The following PALM2AKAP2 variants were observed in gnomAD, a reference collection of about 807,000 sequenced individuals.
The protein encoded by PALM2AKAP2 is PALM2 and AKAP2 fusion, also known as PALM2-AKAP2 fusion protein.
A neutral mutation model predicts 71.5 loss-of-function variants in PALM2AKAP2; 37 were observed. The ratio of observed to expected loss-of-function variants is 0.52; its 90% CI spans 0.40 to 0.68. PALM2AKAP2 has a LOEUF of 0.68. PALM2AKAP2 is among the 30% of genes least tolerant of loss of function. The pLI is 0.00. For missense variants in PALM2AKAP2, 1,224 were observed against 1,191.8 expected (o/e 1.03, Z -0.40); for synonymous variants, 468 against 478.8 (o/e 0.98, Z 0.29).
At chr9:110,136,792 T>C in exon 2 of PALM2AKAP2, 2 of 1,614,138 alleles carry the variant, frequency 1.2e-6, no homozygotes, top group Non-Finnish European at 1.7e-6. Context: ...GTGCCTTCCA[T>C]GAGGACAAGA....
intron 1 of PALM2AKAP2, among the ~76,000 whole-genome samples, chr9:109,814,019 A>T (rs1009173803): frequency 6.6e-6 from 1 of 152,128 alleles, no homozygotes; most frequent in African/African-American, 2.4e-5. Context: ...CCTGCAGTTG[A>T]CTTTGACCCT....
upstream of PALM2AKAP2, among the ~76,000 whole-genome samples, chr9:110,045,592 C>G (rs922057361): frequency 6.6e-6 from 1 of 151,630 alleles, no homozygotes; most frequent in Non-Finnish European, 1.5e-5. Flanking sequence ...TTTTTTGATG[C>G]AGTCTCTCTC....
At chr9:109,708,149 C>T (rs936532740) in intron 1 of PALM2AKAP2, among the ~76,000 whole-genome samples, 3 of 152,172 alleles carry the variant, frequency 2.0e-5, no homozygotes, top group Admixed American at 6.6e-5. Flanking sequence ...CTTTGTACAA[C>T]AGCTGATGAT....
At chr9:109,920,337 G>A (rs78079187) in intron 3 of PALM2AKAP2, among the ~76,000 whole-genome samples, 2,033 of 152,122 alleles carry the variant, frequency 0.013, 42 homozygotes, top group African/African-American at 0.047. Flanking sequence ...GGAAGTAAGG[G>A]AGGAAGGAAG....
chr9:109,757,128 C>A (rs1332939161), intron 1 of PALM2AKAP2, among the ~76,000 whole-genome samples: 2 of 152,124 alleles, frequency 1.3e-5, no homozygotes, highest in African/African-American at 4.8e-5. Flanking sequence ...CTCATACACA[C>A]CCTTCCCAGC....
At chr9:109,749,891 G>GTATC (rs1205319089) in intron 1 of PALM2AKAP2, among the ~76,000 whole-genome samples, 1 of 152,154 alleles carries the variant, frequency 6.6e-6, no homozygotes, top group Non-Finnish European at 1.5e-5. Context: ...AATATCAAAG[G>GTATC]TATCTATGTT....
intron 1 of PALM2AKAP2, among the ~76,000 whole-genome samples, chr9:109,675,895 G>T (rs1415202904): frequency 6.6e-6 from 1 of 152,046 alleles, no homozygotes; most frequent in Non-Finnish European, 1.5e-5. Context: ...CACATTTATA[G>T]AAATTTTTCA....
At chr9:109,701,824 A>G (rs974727154) in intron 1 of PALM2AKAP2, among the ~76,000 whole-genome samples, 3 of 152,234 alleles carry the variant, frequency 2.0e-5, no homozygotes, top group African/African-American at 4.8e-5. Flanking sequence ...AGAATGGGAG[A>G]AAATTTTTGC....
At chr9:109,937,324 T>A (rs1831246101) in intron 6 of PALM2AKAP2, among the ~76,000 whole-genome samples, 1 of 152,170 alleles carries the variant, frequency 6.6e-6, no homozygotes, top group African/African-American at 2.4e-5. Context: ...GAGACTGGAA[T>A]TCTCAACCTC....
intron 3 of PALM2AKAP2, among the ~76,000 whole-genome samples, chr9:109,883,431 G>A (rs1340523698): frequency 6.6e-6 from 1 of 152,178 alleles, no homozygotes; most frequent in East Asian, 1.9e-4. Flanking sequence ...GCTGAGATGA[G>A]CTGTGCTCCC....
upstream of PALM2AKAP2, among the ~76,000 whole-genome samples, chr9:110,043,893 A>AT (rs1369331778): frequency 6.6e-6 from 1 of 151,080 alleles, no homozygotes; most frequent in Non-Finnish European, 1.5e-5. Flanking sequence ...TCATTTTTTA[A>AT]TTTTTTGTAG....
intron 3 of PALM2AKAP2, among the ~76,000 whole-genome samples, chr9:109,913,917 C>A (rs988569818): frequency 6.6e-6 from 1 of 152,082 alleles, no homozygotes; most frequent in Non-Finnish European, 1.5e-5. Flanking sequence ...CCACTACGCC[C>A]AGCTAATTTT....
intron 2 of PALM2AKAP2, among the ~76,000 whole-genome samples, chr9:110,150,705 A>G (rs1317753650): frequency 1.3e-5 from 2 of 152,322 alleles, no homozygotes; most frequent in Non-Finnish European, 2.9e-5. Context: ...TATAGTGTTC[A>G]TCTTATGCTG....
chr9:109,685,011 C>A (rs1827787961), intron 1 of PALM2AKAP2, among the ~76,000 whole-genome samples: 1 of 152,124 alleles, frequency 6.6e-6, no homozygotes, highest in Non-Finnish European at 1.5e-5. Flanking sequence ...ATGAATGAAT[C>A]TTAAAGGATT....
At chr9:110,061,791 G>A (rs190409907) in intron 1 of PALM2AKAP2, among the ~76,000 whole-genome samples, 1 of 140,536 alleles carries the variant, frequency 7.1e-6, no homozygotes, top group African/African-American at 3.2e-5. Flanking sequence ...TGCCTGCCTC[G>A]GCCTCCCAAA....
chr9:109,665,960 G>A (rs942921930), intron 1 of PALM2AKAP2, among the ~76,000 whole-genome samples: 23 of 152,384 alleles, frequency 1.5e-4, no homozygotes, highest in African/African-American at 5.0e-4. Context: ...TGCGCTAGCA[G>A]TGAGCAAGGC....
intron 6 of PALM2AKAP2, among the ~76,000 whole-genome samples, chr9:110,012,314 AAAAAG>A (rs376927839): frequency 1.7e-3 from 263 of 152,308 alleles, no homozygotes; most frequent in African/African-American, 6.1e-3. Context: ...AAAGAAAAAG[AAAAAG>A]AAAAGTATTT....
chr9:109,964,005 T>C (rs1831898116), intron 6 of PALM2AKAP2, among the ~76,000 whole-genome samples: 1 of 152,140 alleles, frequency 6.6e-6, no homozygotes, highest in South Asian at 2.1e-4. Context: ...CAAATCTCAA[T>C]ATGGGACACG....
At position 109,916,525 on chromosome 9, in the gene PALM2AKAP2, C is replaced by T. The variant is rs7859403; in HGVS notation, c.258-7210C>T. Among the ~76,000 whole-genome samples, 717 of 152,364 alleles carry T rather than the reference C, an allele frequency of 4.7e-3. 7 individuals are homozygous for T. Among genetic ancestry groups the T allele is most frequent in the African/African-American group, 0.016 (679 of 41,594 alleles). ...TGTGACCCAAAAAGGCCACACAAGG[C>T]CACATGCTCCTGAGTGACAGGAGGG... On this transcript the variant is annotated intron_variant, in intron 3 of 9. Transcript: ENST00000302798.
Sources: allele counts gnomAD v4.1 joint callset (sites outside exome capture counted in the v4.1 genomes callset), GRCh38; gene constraint gnomAD v4.1.1; transcripts MANE v1.5; gene names NCBI Gene and HGNC (gene_info 2026-07-23, HGNC 2026-07-21).